Variants in ST8SIA5 observed in about 807,000 individuals in gnomAD.
ST8SIA5 encodes the protein alpha-2,8-sialyltransferase 8E.
Under a neutral mutation model 40.2 loss-of-function variants are expected in ST8SIA5, and 24 were observed. The ratio of observed to expected loss-of-function variants is 0.60; its 90% CI spans 0.43 to 0.84. The LOEUF (loss-of-function observed/expected upper bound fraction) is 0.84, where lower values mean the gene tolerates loss of function less well. Ranked by LOEUF, ST8SIA5 falls within the 40% of genes least tolerant of loss-of-function variation. ST8SIA5 has a pLI of 0.00. For missense variants in ST8SIA5, 465 were observed against 498.5 expected, an observed-to-expected ratio of 0.93 and a Z score of 0.64; for synonymous variants, 198 against 201.8, an observed-to-expected ratio of 0.98 and a Z score of 0.16.
chr18:46,744,173 C>A (rs1450620739), intron 1 of ST8SIA5, among the ~76,000 whole-genome samples: 1 of 152,186 alleles, frequency 6.6e-6, no homozygotes, highest in Non-Finnish European at 1.5e-5. Context: ...GCAAAATAAC[C>A]ACCTAACATC....
chr18:46,708,682 T>G (rs1291445655), intron 1 of ST8SIA5, among the ~76,000 whole-genome samples: 2 of 152,162 alleles, frequency 1.3e-5, no homozygotes, highest in Non-Finnish European at 2.9e-5. Context: ...CAACCAATCC[T>G]AAACCTGCAA....
At chr18:46,693,151 G>A (rs1285645591) in intron 2 of ST8SIA5, among the ~76,000 whole-genome samples, 1 of 151,522 alleles carries the variant, frequency 6.6e-6, no homozygotes, top group Non-Finnish European at 1.5e-5. Flanking sequence ...TTTCATGTCT[G>A]CGTGTCCTAC....
rs1000628412 is a variant in ST8SIA5 at position 46,671,342 on chromosome 18, T to C, written c.*8700A>G. On this transcript the variant is annotated 3_prime_UTR_variant, in exon 7 of 7. Transcript: ENST00000315087. ...TTCCAAAGTATGATAGAAAAGGAAA[T>C]GCATAAAGAAGTGAGGCTCTAACCC... is the stretch of plus-strand genomic sequence containing the variant. 6.6e-6 allele frequency: 1 copy of C among 152,202 alleles called. No homozygotes were observed. Among genetic ancestry groups the C allele is most frequent in the African/African-American group, 2.4e-5 (1 of 41,452 alleles). The allele number at this position is 152,202 out of a possible 1,614,324, so 9.4% of individuals were successfully genotyped here.
chr18:46,694,251 G>A (rs1366092417), intron 2 of ST8SIA5, among the ~76,000 whole-genome samples: 1 of 152,038 alleles, frequency 6.6e-6, no homozygotes, highest in African/African-American at 2.4e-5. Flanking sequence ...TTTTTAAGGT[G>A]GATCCTATGG....
At chr18:46,698,453 G>T (rs514285) in intron 2 of ST8SIA5, among the ~76,000 whole-genome samples, 2 of 144,376 alleles carry the variant, frequency 1.4e-5, no homozygotes, top group Admixed American at 1.4e-4. Flanking sequence ...TTAAACCAAC[G>T]ATCCAACAAC....
chr18:46,681,355 G>A (rs1394152592), intron 6 of ST8SIA5, among the ~76,000 whole-genome samples: 1 of 152,086 alleles, frequency 6.6e-6, no homozygotes, highest in Non-Finnish European at 1.5e-5. Flanking sequence ...TTAAATAGCT[G>A]CTCCCTGGGC....
In ST8SIA5 at chr18:46,669,230, A is replaced by T. The variant is rs1479012745; in HGVS notation, c.*10812T>A. ...GCCTAACAACTTCAGAGGGGAGAAAAAGGTGCCCTAGAGGGCTAGAGCGGG... is the reference window on the plus strand; with the variant it reads ...GCCTAACAACTTCAGAGGGGAGAAATAGGTGCCCTAGAGGGCTAGAGCGGG... On this transcript the variant is annotated 3_prime_UTR_variant, in exon 7 of 7. Coordinates refer to ENST00000315087, the MANE Select transcript of ST8SIA5 (RefSeq NM_013305.6). The T allele has an allele frequency of 6.6e-6, 1 of 152,262 alleles. No homozygotes were observed. The highest frequency in any genetic ancestry group is 2.4e-5 in the African/African-American group (1 of 41,436). The allele number at this position is 152,262 out of a possible 1,614,324, so 9.4% of individuals were successfully genotyped here. A position where few individuals can be genotyped will look rare whatever the true frequency, so the allele number is the denominator to read the frequency against.
At chr18:46,756,230 C>T in intron 1 of ST8SIA5, 148 bp downstream of exon 1, 1 of 1,202,002 alleles carries the variant, frequency 8.3e-7, no homozygotes, top group Non-Finnish European at 1.1e-6. Context: ...ACGCGGTGGC[C>T]CAAGCCTAAG....
At chr18:46,691,221 C>A (rs1366667118) in intron 3 of ST8SIA5, among the ~76,000 whole-genome samples, 1 of 152,242 alleles carries the variant, frequency 6.6e-6, no homozygotes, top group African/African-American at 2.4e-5. Flanking sequence ...CCAGAGGCCT[C>A]TGGCACCTGA....
At chr18:46,701,641 T>C (rs2039617792) in intron 2 of ST8SIA5, among the ~76,000 whole-genome samples, 1 of 152,144 alleles carries the variant, frequency 6.6e-6, no homozygotes, top group African/African-American at 2.4e-5. Context: ...AGTATCTTCA[T>C]CTCAGACCCC....
chr18:46,735,567 T>C (rs191868097), intron 1 of ST8SIA5, among the ~76,000 whole-genome samples: 58 of 152,334 alleles, frequency 3.8e-4, no homozygotes, highest in African/African-American at 1.3e-3. Flanking sequence ...AATTGATGGA[T>C]TGTATCAATG....
chr18:46,724,344 C>G (rs917562506), intron 1 of ST8SIA5, among the ~76,000 whole-genome samples: 1 of 152,226 alleles, frequency 6.6e-6, no homozygotes, highest in Non-Finnish European at 1.5e-5. Flanking sequence ...AACAGTAGAC[C>G]CTGTTCTCAT....
Position 46,699,262 on chromosome 18 carries a change from T to C in ST8SIA5, c.224+5310A>G, listed in dbSNP as rs1194834027. 2.0e-5 allele frequency among the ~76,000 whole-genome samples: 3 copies of C among 152,316 alleles called. No homozygotes were observed. The East Asian group carries it at 5.8e-4, about 29-fold the overall frequency. ...TAGAACAAGAAATCGATTACTTAGG[T>C]AATCTATAGACAGACTAAAAATATT... On this transcript the variant is annotated intron_variant, in intron 2 of 6. Transcript: ENST00000315087.
At chr18:46,711,111 G>A (rs1446034345) in intron 1 of ST8SIA5, among the ~76,000 whole-genome samples, 3 of 152,218 alleles carry the variant, frequency 2.0e-5, no homozygotes, top group South Asian at 2.1e-4. Context: ...CCCATATAGC[G>A]CCTCTGTGCA....
chr18:46,705,650 C>A (rs1468738965), intron 1 of ST8SIA5, among the ~76,000 whole-genome samples: 2 of 152,362 alleles, frequency 1.3e-5, no homozygotes, highest in Non-Finnish European at 2.9e-5. Flanking sequence ...GGCAGAGGCC[C>A]GGTGAGCCCT....
chr18:46,731,693 T>A (rs2039986328), intron 1 of ST8SIA5: 1 of 152,284 alleles, frequency 6.6e-6, no homozygotes, highest in South Asian at 2.1e-4. Context: ...TCCTGACGGA[T>A]CCCATCCTGG....
intron 1 of ST8SIA5, among the ~76,000 whole-genome samples, chr18:46,710,546 C>CTT (rs371889933): frequency 2.4e-5 from 3 of 125,712 alleles, no homozygotes; most frequent in Non-Finnish European, 5.0e-5. Flanking sequence ...TTCTTTCTCT[C>CTT]TTTTTTTTTT....
At chr18:46,721,820 G>A (rs994806991) in intron 1 of ST8SIA5, among the ~76,000 whole-genome samples, 1 of 152,124 alleles carries the variant, frequency 6.6e-6, no homozygotes, top group Non-Finnish European at 1.5e-5. Flanking sequence ...AACCAAAAGA[G>A]CGCCAGCACC....
Position 46,677,479 on chromosome 18 carries a change from T to A in ST8SIA5, c.*2563A>T, listed in dbSNP as rs1366170593. 2 of 152,220 alleles carry A rather than the reference T, an allele frequency of 1.3e-5. No homozygotes were observed. Among genetic ancestry groups the A allele is most frequent in the Non-Finnish European group, 2.9e-5 (2 of 68,046 alleles). 9.4% of individuals were successfully genotyped at this position (152,220 alleles called of 1,614,324 possible). A position where few individuals can be genotyped will look rare whatever the true frequency, so the allele number is the denominator to read the frequency against. ...TTAACGTAGCTTGATAAATGCTAGC[T>A]AGTATAATGAGAAATATTAATTATG... On this transcript the variant is annotated 3_prime_UTR_variant, in exon 7 of 7. Coordinates refer to ENST00000315087, the MANE Select transcript of ST8SIA5 (RefSeq NM_013305.6).
Sources: allele counts gnomAD v4.1 joint callset (sites outside exome capture counted in the v4.1 genomes callset), GRCh38; gene constraint gnomAD v4.1.1; transcripts MANE v1.5; gene names NCBI Gene and HGNC (gene_info 2026-07-23, HGNC 2026-07-21).